SUN1: variants seen among roughly 807,000 people sequenced by gnomAD.
The protein encoded by SUN1 is SUN domain-containing protein 1.
Under a neutral mutation model 103.2 loss-of-function variants are expected in SUN1, and 61 were observed. The observed-to-expected ratio is 0.59, with a 90% confidence interval of 0.48 to 0.73. The LOEUF (loss-of-function observed/expected upper bound fraction) is 0.73, where lower values mean the gene tolerates loss of function less well. SUN1 is among the 30% of genes least tolerant of loss of function. SUN1 has a pLI of 0.00. For missense variants in SUN1, 1,052 were observed against 1,034.6 expected, an observed-to-expected ratio of 1.02 and a Z score of -0.23; for synonymous variants, 490 against 425.7, an observed-to-expected ratio of 1.15 and a Z score of -1.86.
intron 3 of SUN1, 39 bp downstream of exon 3, chr7:842,169 T>TG: frequency 6.3e-7 from 1 of 1,597,296 alleles, no homozygotes; most frequent in South Asian, 1.1e-5. Flanking sequence ...CGCCTACAGT[T>TG]GGGGTGTTTC....
chr7:852,407 G>C (rs1054903669), intron 7 of SUN1: 2 of 644,968 alleles, frequency 3.1e-6, no homozygotes, highest in East Asian at 5.5e-5. Flanking sequence ...CAGCACCAGA[G>C]AGTTGGTAAC....
Position 858,092 on chromosome 7 carries a change from G to A in SUN1, c.1524+135G>A, listed in dbSNP as rs1829179288. ...TTGAAACCGAGTCTTGCTGTGGCAC[G>A]CAGGCTAGACTGCAGTGGCGCGATC... On this transcript the variant is annotated intron_variant, in intron 13 of 18. Transcript: ENST00000401592. 9 of 1,146,206 alleles carry A rather than the reference G, an allele frequency of 7.9e-6. No individual in the cohort carries two copies. In the East Asian group the frequency reaches 8.8e-5, roughly 11 times the overall value. The allele number at this position is 1,146,206 out of a possible 1,614,324, so 71.0% of individuals were successfully genotyped here.
intron 15 of SUN1, among the ~76,000 whole-genome samples, chr7:863,185 G>A (rs528400593): frequency 1.3e-5 from 2 of 152,182 alleles, no homozygotes; most frequent in Non-Finnish European, 2.9e-5. Flanking sequence ...TGCCTCTCCT[G>A]CCTGTGGTTC....
At chr7:847,325 G>A (rs1816949247) in intron 5 of SUN1, among the ~76,000 whole-genome samples, 1 of 148,708 alleles carries the variant, frequency 6.7e-6, no homozygotes, top group Admixed American at 6.7e-5. Flanking sequence ...CCAGGCTCCG[G>A]GATCCCCTGG....
At chr7:841,652 T>C (rs902644231) in intron 2 of SUN1, among the ~76,000 whole-genome samples, 4 of 152,202 alleles carry the variant, frequency 2.6e-5, no homozygotes, top group African/African-American at 9.7e-5. Flanking sequence ...TGTTTTTATT[T>C]TCAGATCTTT....
chr7:841,431 A>T (rs553515507), intron 2 of SUN1, among the ~76,000 whole-genome samples: 131 of 150,996 alleles, frequency 8.7e-4, no homozygotes, highest in African/African-American at 3.1e-3. Flanking sequence ...TTTAGTAGAG[A>T]TGGGGTTTCA....
Position 842,101 on chromosome 7 carries a change from G to T in SUN1, c.422G>T (p.Arg141Leu). The change falls in exon 3 of 19, where the codon CGT (arginine) becomes CTT (leucine). Residue 141 changes from arginine to leucine, a missense_variant. Arg to Leu is a moderately radical substitution (Grantham distance 102, BLOSUM62 -2). Around this residue, in one of 2 missense-constraint regions of SUN1, gnomAD observed 846 missense variants for 774.5 expected, o/e 1.09. Coordinates refer to ENST00000401592, the MANE Select transcript of SUN1 (RefSeq NM_001130965.3). ...CCTGTATTGGACGAGTCTTGGATTC[G>T]TGAACAGACCACAGTGGACCACTTC... ...RPPVLDESWI[R>L]EQTTVDHFWG... The T allele has an allele frequency of 6.2e-7, 1 of 1,614,204 alleles. No individual in the cohort carries two copies.
intron 17 of SUN1, among the ~76,000 whole-genome samples, chr7:870,129 T>C (rs1480382019): frequency 6.7e-6 from 1 of 148,350 alleles, no homozygotes; most frequent in Non-Finnish European, 1.5e-5. Flanking sequence ...TCACTTGATA[T>C]AGGAGGTGGA....
chr7:866,219 G>C (rs1836411760), intron 16 of SUN1, 152 bp downstream of exon 16: 1 of 677,100 alleles, frequency 1.5e-6, no homozygotes, highest in Admixed American at 2.3e-5. Flanking sequence ...CCACACCGAG[G>C]AGTCCCCGGT....
chr7:870,854 CTG>C (rs1381013363), intron 17 of SUN1, among the ~76,000 whole-genome samples: 2 of 151,156 alleles, frequency 1.3e-5, no homozygotes, highest in Non-Finnish European at 2.9e-5. Flanking sequence ...AGTCGGTGCA[CTG>C]TGTTACTAGC....
chr7:864,693 A>G (rs1488534300), intron 15 of SUN1, among the ~76,000 whole-genome samples: 1 of 151,092 alleles, frequency 6.6e-6, no homozygotes, highest in African/African-American at 2.4e-5. Flanking sequence ...CAATGGCGCA[A>G]TCTCGGCTCG....
rs746454768 is a variant in SUN1, at chr7:853,581, C to T, written c.1226C>T (p.Ala409Val). Residue 409 changes from alanine (A) to valine (V), a missense_variant, in exon 10 of 19, where the codon GCT (alanine) becomes GTT (valine). This residue lies in a region of SUN1 where 846 missense variants were observed against 774.5 expected (regional missense o/e 1.09). Transcript: ENST00000401592. ...QMEGGAAGPS[A>V]SVRDAVGQPP... ...GAAGGCGGCGCTGCCGGGCCGTCAG[C>T]TTCGGTCAGAGACGCTGTGGGACAG... The T allele has an allele frequency of 6.2e-7, 1 of 1,608,108 alleles. No individual in the cohort carries two copies. The highest frequency in any genetic ancestry group is 8.5e-7 in the Non-Finnish European group (1 of 1,179,934).
At chr7:827,182 C>T (rs377246229) in intron 1 of SUN1, among the ~76,000 whole-genome samples, 15 of 152,126 alleles carry the variant, frequency 9.9e-5, no homozygotes, top group Middle Eastern at 6.8e-3. Flanking sequence ...CCACCACGCC[C>T]GGCTAAGTTT....
intron 1 of SUN1, chr7:817,025 C>T (rs1229939180): frequency 1.6e-4 from 25 of 157,908 alleles, no homozygotes; most frequent in Non-Finnish European, 2.6e-4. Context: ...GGAGGAGCGT[C>T]CTCCCCGCGT....
chr7:816,140 CAACGTAGACCGCGTATCTG>C, upstream of SUN1: 1 of 299,332 alleles, frequency 3.3e-6, no homozygotes, highest in Admixed American at 5.5e-5. Context: ...GACCCCTCCC[CAACGTAGACCGCGTATCTG>C]AGGGGCAGAG....
At chr7:835,162 C>T (rs1801799506) in intron 1 of SUN1, among the ~76,000 whole-genome samples, 1 of 152,244 alleles carries the variant, frequency 6.6e-6, no homozygotes, top group Non-Finnish European at 1.5e-5. Context: ...CATTTGCCGG[C>T]CACTGGCTTC....
Position 873,321 on chromosome 7 carries a change from C to G in SUN1, c.2348C>G (p.Pro783Arg). 6.2e-7 allele frequency: 1 copy of G among 1,613,990 alleles called. No homozygotes were observed. The highest frequency in any genetic ancestry group is 1.3e-5 in the African/African-American group (1 of 75,048). The part of the protein sequence containing the change: ...CLYRFRVHGE[P>R]VK ...TATCGGTTCAGAGTTCATGGCGAAC[C>G]TGTCAAGTGAAGACACTACTCATTA... is the stretch of plus-strand genomic sequence containing the variant. The change falls in exon 19 of 19, where the codon CCT becomes CGT. Residue 783 changes from proline (P) to arginine (R), a missense_variant. Coordinates refer to ENST00000401592, the MANE Select transcript of SUN1 (RefSeq NM_001130965.3).
Position 872,494 on chromosome 7 carries a change from G to A in SUN1, c.2173G>A (p.Glu725Lys), listed in dbSNP as rs1164289751. The A allele has an allele frequency of 6.2e-7, 1 of 1,605,006 alleles. No individual in the cohort carries two copies. Among genetic ancestry groups the A allele is most frequent in the Admixed American group, 1.7e-5 (1 of 58,634 alleles). Residue 725 changes from glutamate to lysine, a missense_variant, in exon 18 of 19, where the codon GAA becomes AAA. Physicochemically the swap from Glu to Lys is moderately conservative, Grantham distance 56 (BLOSUM62 1). Around this residue, in one of 2 missense-constraint regions of SUN1, gnomAD observed 206 missense variants for 260.1 expected, o/e 0.79. Coordinates refer to ENST00000401592, the MANE Select transcript of SUN1 (RefSeq NM_001130965.3). The stretch of plus-strand genomic sequence containing the variant: ...GGGATTAGAAAATGAGTATCAGGAA[G>A]AAGGGCAGCTTCTGGGACAGTTCAC... ...VYGLENEYQEEGQLLGQFTYD... is the reference protein window; with the variant it reads ...VYGLENEYQEKGQLLGQFTYD...
intron 5 of SUN1, among the ~76,000 whole-genome samples, chr7:845,411 C>A (rs1488496693): frequency 6.6e-6 from 1 of 152,130 alleles, no homozygotes; most frequent in Non-Finnish European, 1.5e-5. Context: ...CCCTCTCAGA[C>A]AAAGGCCAGG....
Sources: gnomAD v4.1 joint callset for allele counts (sites outside exome capture counted in the v4.1 genomes callset) on GRCh38, gnomAD v4.1.1 for gene constraint, gnomAD v4.1.1 regional missense constraint, MANE v1.5 for transcripts, NCBI Gene and HGNC (gene_info 2026-07-23, HGNC 2026-07-21) for gene names.